The following NPR3 variants were observed in gnomAD, a reference collection of about 807,000 sequenced individuals.
The protein encoded by NPR3 is natriuretic peptide receptor 3, also known as atrial natriuretic peptide receptor 3.
A neutral mutation model predicts 54.5 loss-of-function variants in NPR3; 34 were observed. The ratio of observed to expected loss-of-function variants is 0.62; its 90% CI spans 0.47 to 0.83. The LOEUF (loss-of-function observed/expected upper bound fraction) is 0.83, where lower values mean the gene tolerates loss of function less well. Ranked by LOEUF, NPR3 falls within the 40% of genes least tolerant of loss-of-function variation. The pLI is 0.00. For synonymous variants in NPR3, 289 were observed against 297.1 expected (o/e 0.97, Z 0.28); for missense variants, 674 against 720.8 (o/e 0.94, Z 0.74).
At chr5:32,782,707 G>A (rs1400009259) in intron 5 of NPR3, among the ~76,000 whole-genome samples, 186 bp from the exon 6 acceptor site, 2 of 152,180 alleles carry the variant, frequency 1.3e-5, no homozygotes, top group East Asian at 1.9e-4. Context: ...CGAGGAACGT[G>A]CCCAATGTAC....
chr5:32,733,808 T>C (rs555117042), intron 2 of NPR3, among the ~76,000 whole-genome samples: 1 of 152,226 alleles, frequency 6.6e-6, no homozygotes, highest in African/African-American at 2.4e-5. Flanking sequence ...TCTTCTACAT[T>C]TGTTTTTAAC....
chr5:32,743,987 A>ATCTTTTTTTTT (rs1425701544), intron 3 of NPR3, among the ~76,000 whole-genome samples: 2 of 113,834 alleles, frequency 1.8e-5, no homozygotes, highest in African/African-American at 3.5e-5. Context: ...ATTCTGATGC[A>ATCTTTTTTTTT]TTTTTTTTTT....
chr5:32,710,692 C>A (rs1212955025), upstream of NPR3: 2 of 1,545,032 alleles, frequency 1.3e-6, no homozygotes, highest in Admixed American at 4.0e-5. Context: ...GACCTTGGTC[C>A]TTGTTCCCTG....
In NPR3 at chr5:32,749,355, C is replaced by T. The variant is rs191152719; in HGVS notation, c.1059+10325C>T. On this transcript the variant is annotated intron_variant, in intron 3 of 7. Coordinates refer to ENST00000265074, the MANE Select transcript of NPR3 (RefSeq NM_001204375.2). ...CTTTTACTTTCTGCATAGTGTTTGC[C>T]TTTCAAGTTCATTTTTTTCTATTAA... Among the ~76,000 whole-genome samples, 37 of 152,100 alleles carry T rather than the reference C, an allele frequency of 2.4e-4. No homozygotes were observed. In the East Asian group the frequency reaches 6.6e-3, roughly 27 times the overall value.
chr5:32,724,935 A>G (rs760049992), intron 2 of NPR3, 115 bp downstream of exon 2: 5 of 1,119,652 alleles, frequency 4.5e-6, no homozygotes, highest in Admixed American at 2.1e-5. Context: ...ATGGAATACT[A>G]TGCAGCTTTA....
At position 32,711,704 on chromosome 5, in the gene NPR3, G is replaced by A. The variant is rs1270982971; in HGVS notation, c.-73G>A. ...GGGACCTTGGAGAGAAGAGTGGGGA[G>A]GAAAGAGGAAGGGTGGGTGGGGGGC... is the stretch of plus-strand genomic sequence containing the variant. On this transcript the variant is annotated 5_prime_UTR_variant, in exon 1 of 8. Coordinates refer to ENST00000265074, the MANE Select transcript of NPR3 (RefSeq NM_001204375.2). 1.4e-6 allele frequency: 2 copies of A among 1,387,582 alleles called. No homozygotes were observed. The highest frequency in any genetic ancestry group is 1.9e-6 in the Non-Finnish European group (2 of 1,073,510). The allele number at this position is 1,387,582 out of a possible 1,614,324, so 86.0% of individuals were successfully genotyped here.
chr5:32,783,057 A>G (rs1480525076), intron 6 of NPR3, 29 bp downstream of exon 6: 1 of 1,580,390 alleles, frequency 6.3e-7, no homozygotes, highest in East Asian at 2.3e-5. Flanking sequence ...TTTGCTATGT[A>G]TGTCATCACC....
upstream of NPR3, chr5:32,709,864 G>C (rs1440784203): frequency 6.6e-6 from 1 of 152,186 alleles, no homozygotes; most frequent in Non-Finnish European, 1.5e-5. Flanking sequence ...CAGCGTCTGG[G>C]ACTGCGGCAC....
intron 2 of NPR3, among the ~76,000 whole-genome samples, chr5:32,725,479 C>T (rs886753696): frequency 6.6e-5 from 10 of 152,138 alleles, no homozygotes; most frequent in Admixed American, 2.0e-4. Context: ...TGGGTATGAG[C>T]GTAGCCCACT....
At chr5:32,718,756 A>AAAATC (rs1466030911) in intron 1 of NPR3, among the ~76,000 whole-genome samples, 6 of 152,150 alleles carry the variant, frequency 3.9e-5, no homozygotes, top group Non-Finnish European at 8.8e-5. Context: ...GGGCTGAGAC[A>AAAATC]ATGGGGTTTT....
intron 3 of NPR3, among the ~76,000 whole-genome samples, chr5:32,769,630 A>G (rs1436047429): frequency 6.6e-6 from 1 of 152,176 alleles, no homozygotes; most frequent in Non-Finnish European, 1.5e-5. Context: ...GTGGTAGGGA[A>G]GGTAGAACTA....
intron 3 of NPR3, among the ~76,000 whole-genome samples, chr5:32,755,449 C>T (rs1740786370): frequency 6.6e-6 from 1 of 152,122 alleles, no homozygotes; most frequent in Non-Finnish European, 1.5e-5. Context: ...TGATTGAACC[C>T]ATATATGCAC....
intron 3 of NPR3, among the ~76,000 whole-genome samples, chr5:32,751,666 A>C (rs1406005420): frequency 1.3e-5 from 2 of 152,106 alleles, no homozygotes; most frequent in African/African-American, 2.4e-5. Context: ...AGCAGTATTG[A>C]TAGGGGGGTG....
Position 32,712,189 on chromosome 5 carries a change from A to T in NPR3, c.413A>T (p.Tyr138Phe). The T allele has an allele frequency of 6.2e-7, 1 of 1,612,984 alleles. No individual in the cohort carries two copies. Among genetic ancestry groups the T allele is most frequent in the South Asian group, 1.1e-5 (1 of 91,050 alleles). ...CTTATCCTGGGGCCAGTGTGCGAGTATGCAGCAGCGCCAGTGGCCCGGCTT... is the reference window on the plus strand; with the variant it reads ...CTTATCCTGGGGCCAGTGTGCGAGTTTGCAGCAGCGCCAGTGGCCCGGCTT... ...PDLILGPVCE[Y>F]AAAPVARLAS... Residue 138 changes from tyrosine (Y) to phenylalanine (F), a missense_variant, in exon 1 of 8, where the codon TAT (tyrosine) becomes TTT (phenylalanine). Physicochemically the swap from Tyr to Phe is conservative, Grantham distance 22. Coordinates refer to ENST00000265074, the MANE Select transcript of NPR3 (RefSeq NM_001204375.2).
At chr5:32,694,142 A>C (rs1024163900) in intron 1 of NPR3, among the ~76,000 whole-genome samples, 4 of 152,212 alleles carry the variant, frequency 2.6e-5, no homozygotes, top group Non-Finnish European at 5.9e-5. Context: ...CCATTATGTA[A>C]GAGAAAGAAT....
At chr5:32,697,784 G>T (rs1256946870) in intron 1 of NPR3, among the ~76,000 whole-genome samples, 1 of 152,052 alleles carries the variant, frequency 6.6e-6, no homozygotes, top group Non-Finnish European at 1.5e-5. Context: ...GCATATGGCT[G>T]CTTATAGTAG....
At chr5:32,702,589 A>G (rs1276769181) in intron 1 of NPR3, among the ~76,000 whole-genome samples, 2 of 151,712 alleles carry the variant, frequency 1.3e-5, no homozygotes, top group Non-Finnish European at 2.9e-5. Context: ...AAGGACATGA[A>G]CTCATCATTT....
chr5:32,719,867 G>T (rs1738761493), intron 1 of NPR3, among the ~76,000 whole-genome samples: 1 of 142,110 alleles, frequency 7.0e-6, no homozygotes. Flanking sequence ...TTTCATTTTT[G>T]GTATCACATT....
At chr5:32,745,228 G>T (rs909102376) in intron 3 of NPR3, among the ~76,000 whole-genome samples, 1 of 152,166 alleles carries the variant, frequency 6.6e-6, no homozygotes, top group Non-Finnish European at 1.5e-5. Flanking sequence ...CACAGTGGGG[G>T]TTCTGAGGAC....
Sources: gnomAD v4.1 joint callset for allele counts (sites outside exome capture counted in the v4.1 genomes callset) on GRCh38, gnomAD v4.1.1 for gene constraint, MANE v1.5 for transcripts, NCBI Gene and HGNC (gene_info 2026-07-23, HGNC 2026-07-21) for gene names.